The following MDN1 variants were observed in gnomAD, a reference collection of about 807,000 sequenced individuals.
The protein encoded by MDN1 is midasin.
A neutral mutation model predicts 669.2 loss-of-function variants in MDN1; 266 were observed. That is an observed-to-expected ratio of 0.40 (90% CI 0.36 to 0.44). The LOEUF is 0.44. Among genes scored for constraint, MDN1 ranks in the 20% least tolerant of loss-of-function variants. The pLI, the probability that MDN1 is intolerant of heterozygous loss-of-function variation, is 1.00. For missense variants in MDN1, 5,940 were observed against 6,754.0 expected (o/e 0.88, Z 4.22); for synonymous variants, 2,385 against 2,457.1 (o/e 0.97, Z 0.87).
At chr6:89,654,132 C>G in intron 93 of MDN1, 32 bp downstream of exon 93, 1 of 1,612,472 alleles carries the variant, frequency 6.2e-7, no homozygotes, top group Admixed American at 1.7e-5. Context: ...GTCAGAGCGC[C>G]TGGGAAGGGT....
At chr6:89,740,101 T>C (rs769219490) in intron 32 of MDN1, 133 bp downstream of exon 32, 232 of 962,862 alleles carry the variant, frequency 2.4e-4, no homozygotes, top group Non-Finnish European at 2.0e-4. Context: ...TAAAATATTT[T>C]TGAGTTTTTA....
intron 51 of MDN1, among the ~76,000 whole-genome samples, 180 bp downstream of exon 51, chr6:89,708,316 A>G (rs1401961747): frequency 1.3e-5 from 2 of 152,212 alleles, no homozygotes; most frequent in East Asian, 3.9e-4. Flanking sequence ...AGCAAAACAA[A>G]AAACAGAAAA....
intron 2 of MDN1, 106 bp downstream of exon 2, chr6:89,803,222 T>C: frequency 1.1e-6 from 1 of 928,994 alleles, no homozygotes. Context: ...TCTCTCTCCT[T>C]TCTGTATTTC....
At position 89,716,721 on chromosome 6, in the gene MDN1, C is replaced by A; in HGVS notation, c.6672G>T (p.Trp2224Cys). The change falls in exon 44 of 102, where the codon TGG (tryptophan) becomes TGT (cysteine). Residue 2224 changes from tryptophan (W) to cysteine (C), a missense_variant. Around this residue, in one of 5 missense-constraint regions of MDN1, gnomAD observed 2,292 missense variants for 2,638.3 expected, o/e 0.87. Transcript: ENST00000369393. ...ASGHSHGTFE[W>C]VDSMLVQALK... ...GGGCCTGAACCAACATGCTGTCAAC[C>A]CATTCAAATGTGCCATGGCTATGGC... is the stretch of plus-strand genomic sequence containing the variant. The A allele has an allele frequency of 6.2e-7, 1 of 1,614,136 alleles. No individual in the cohort carries two copies. Among genetic ancestry groups the A allele is most frequent in the Non-Finnish European group, 8.5e-7 (1 of 1,179,976 alleles).
chr6:89,757,542 A>T (rs956010726), intron 19 of MDN1, among the ~76,000 whole-genome samples: 3 of 152,220 alleles, frequency 2.0e-5, no homozygotes, highest in African/African-American at 7.2e-5. Context: ...AATATGACAA[A>T]TAAGGTAATA....
intron 70 of MDN1, 132 bp downstream of exon 70, chr6:89,685,695 C>G (rs1209202370): frequency 1.0e-6 from 1 of 955,344 alleles, no homozygotes; most frequent in African/African-American, 1.7e-5. Flanking sequence ...TAATGTGAAT[C>G]GCATTAAACA....
chr6:89,736,743 G>A (rs893264729), intron 33 of MDN1, among the ~76,000 whole-genome samples: 2 of 152,150 alleles, frequency 1.3e-5, no homozygotes, highest in Non-Finnish European at 2.9e-5. Context: ...GCTGTGAGCC[G>A]TGATTCCACC....
chr6:89,658,396 AT>A, intron 89 of MDN1, 26 bp from the exon 90 acceptor site: 1 of 1,613,680 alleles, frequency 6.2e-7, no homozygotes, highest in Non-Finnish European at 8.5e-7. Flanking sequence ...CAAACACAGC[AT>A]TAAATGCTCT....
Position 89,699,034 on chromosome 6 carries a change from A to G in MDN1, c.8999T>C (p.Val3000Ala), listed in dbSNP as rs1317508140. 6.2e-7 allele frequency: 1 copy of G among 1,607,914 alleles called. No homozygotes were observed. Among genetic ancestry groups the G allele is most frequent in the Non-Finnish European group, 8.5e-7 (1 of 1,175,704 alleles). ...DLWSLLHHQK[V>A]SPEEITSLWS... ...CAAAGATGTAATTTCTTCAGGAGAC[A>G]CCTAGAAATAAAGGAATAATTAGGT... The change falls in exon 59 of 102, where the codon GTG becomes GCG. Residue 3000 changes from valine to alanine, a missense_variant and splice_region_variant. Transcript: ENST00000369393.
chr6:89,719,743 T>C (rs754885554), intron 40 of MDN1, among the ~76,000 whole-genome samples: 5 of 152,232 alleles, frequency 3.3e-5, no homozygotes, highest in Admixed American at 1.3e-4. Flanking sequence ...ACAAGAGTTA[T>C]AGAATTTGCC....
chr6:89,780,587 T>TAGCAGGAA (rs1818617178), intron 10 of MDN1, among the ~76,000 whole-genome samples: 1 of 150,874 alleles, frequency 6.6e-6, no homozygotes, highest in South Asian at 2.1e-4. Flanking sequence ...CCAGACAAGG[T>TAGCAGGAA]AGCAGGAAAG....
In MDN1 at chr6:89,664,547, C is replaced by T. The variant is rs1291222608; in HGVS notation, c.14176G>A (p.Ala4726Thr). 1 of 1,614,066 alleles carries T rather than the reference C, an allele frequency of 6.2e-7. No individual in the cohort carries two copies. The change falls in exon 85 of 102, where the codon GCC (alanine) becomes ACC (threonine). Residue 4726 changes from alanine to threonine, a missense_variant. Coordinates refer to ENST00000369393, the MANE Select transcript of MDN1 (RefSeq NM_014611.3). ...TCAAAATCTTCCGACATCTCAATGG[C>T]ATTATCCTCGCCCTTAATATCAGAT... The part of the protein sequence containing the change: ...SKSDIKGEDN[A>T]IEMSEDFDGK...
intron 99 of MDN1, among the ~76,000 whole-genome samples, chr6:89,646,910 C>T (rs958444207): frequency 8.5e-5 from 13 of 152,176 alleles, no homozygotes; most frequent in Non-Finnish European, 1.5e-5. Context: ...AGCCTGCCGC[C>T]AAGTAACTAG....
In MDN1 at chr6:89,772,701, G is replaced by A; in HGVS notation, c.1955C>T (p.Ala652Val). 1 of 1,613,700 alleles carries A rather than the reference G, an allele frequency of 6.2e-7. No individual in the cohort carries two copies. The highest frequency in any genetic ancestry group is 8.5e-7 in the Non-Finnish European group (1 of 1,179,834). ...GATGAGAACAGAGGACGGCCGTGTAGCAGCGAAAGTGAACTTCTCCCTGGG... is the reference window on the plus strand; with the variant it reads ...GATGAGAACAGAGGACGGCCGTGTAACAGCGAAAGTGAACTTCTCCCTGGG... Reference protein sequence around the residue: ...HLQREKFTFAATRPSSVLIEQ... With the variant: ...HLQREKFTFAVTRPSSVLIEQ... Residue 652 changes from alanine to valine, a missense_variant, in exon 14 of 102, where the codon GCT becomes GTT. This residue lies in a region of MDN1 where 1,203 missense variants were observed against 1,268.9 expected (regional missense o/e 0.95). Coordinates refer to ENST00000369393, the MANE Select transcript of MDN1 (RefSeq NM_014611.3).
intron 85 of MDN1, 43 bp downstream of exon 85, chr6:89,664,444 T>C: frequency 1.2e-6 from 2 of 1,605,130 alleles, no homozygotes; most frequent in Non-Finnish European, 1.7e-6. Context: ...ATAAAATATT[T>C]ATGCTTTCAA....
intron 90 of MDN1, 93 bp from the exon 91 acceptor site, chr6:89,656,894 T>G: frequency 4.8e-6 from 5 of 1,042,994 alleles, no homozygotes; most frequent in Non-Finnish European, 7.2e-6. Context: ...CTCTCACTGC[T>G]GTCCTTTATT....
At chr6:89,752,853 G>A (rs1817024296) in intron 22 of MDN1, among the ~76,000 whole-genome samples, 1 of 152,104 alleles carries the variant, frequency 6.6e-6, no homozygotes, top group Admixed American at 6.6e-5. Context: ...GGCCGGGCAC[G>A]GTGACTCACG....
intron 13 of MDN1, among the ~76,000 whole-genome samples, chr6:89,773,234 T>A (rs1212790098): frequency 1.3e-5 from 2 of 152,066 alleles, no homozygotes; most frequent in Non-Finnish European, 2.9e-5. Context: ...AGAGGAAGAT[T>A]TGGTGACATA....
At chr6:89,805,034 C>CAAAAAAAAA (rs34538984) in intron 1 of MDN1, among the ~76,000 whole-genome samples, 2 of 58,522 alleles carry the variant, frequency 3.4e-5, no homozygotes, top group Non-Finnish European at 5.9e-5. Flanking sequence ...GACTCCGTCT[C>CAAAAAAAAA]AAAAAAAAAA....
Sources: gnomAD v4.1 joint callset for allele counts (sites outside exome capture counted in the v4.1 genomes callset) on GRCh38, gnomAD v4.1.1 for gene constraint, gnomAD v4.1.1 regional missense constraint, MANE v1.5 for transcripts, NCBI Gene and HGNC (gene_info 2026-07-23, HGNC 2026-07-21) for gene names.